The following WASHC2A variants were observed in gnomAD, a reference collection of about 807,000 sequenced individuals.
WASHC2A encodes WASH complex subunit FAM21A.
Under a neutral mutation model 140.3 loss-of-function variants are expected in WASHC2A, and 82 were observed. The observed-to-expected ratio is 0.58, with a 90% CI of 0.49 to 0.70. The LOEUF (loss-of-function observed/expected upper bound fraction) is 0.70, where lower values mean the gene tolerates loss of function less well. Ranked by LOEUF, WASHC2A falls within the 30% of genes least tolerant of loss-of-function variation. The probability of loss-of-function intolerance (pLI) is 0.00; values close to 1 mark genes in which losing one functional copy is unlikely to be tolerated. For missense variants in WASHC2A, 985 were observed against 1,521.8 expected, an observed-to-expected ratio of 0.65 and a Z score of 5.87; for synonymous variants, 340 against 560.8, an observed-to-expected ratio of 0.61 and a Z score of 5.56.
chr10:50,097,838 A>G, intron 16 of WASHC2A, 36 bp downstream of exon 16: 2 of 1,611,502 alleles, frequency 1.2e-6, no homozygotes, highest in Non-Finnish European at 1.7e-6. Context: ...AGGAGCATTG[A>G]TCTGCCGCAT....
chr10:50,106,076 G>A (rs1841745793), intron 18 of WASHC2A, among the ~76,000 whole-genome samples: 1 of 151,554 alleles, frequency 6.6e-6, no homozygotes, highest in Non-Finnish European at 1.5e-5. Context: ...TGTACTTCAT[G>A]ATCTCATTTG....
intron 3 of WASHC2A, among the ~76,000 whole-genome samples, chr10:50,074,193 A>T (rs1429890518): frequency 4.6e-5 from 5 of 107,624 alleles, no homozygotes; most frequent in African/African-American, 1.6e-4. Flanking sequence ...TAGCTATCTG[A>T]CTGTAAATTG....
intron 30 of WASHC2A, 46 bp downstream of exon 30, chr10:50,131,124 T>C (rs2258397): frequency 4.3e-6 from 7 of 1,611,890 alleles, no homozygotes; most frequent in African/African-American, 4.0e-5. Context: ...CTTACCTTTC[T>C]GTCACTTGGT....
intron 17 of WASHC2A, among the ~76,000 whole-genome samples, chr10:50,101,161 C>T (rs1441396777): frequency 5.9e-5 from 9 of 152,304 alleles, no homozygotes; most frequent in African/African-American, 1.7e-4. Flanking sequence ...GTGTACAAAA[C>T]GTAGGAATTA....
chr10:50,089,713 C>A lies in WASHC2A; in HGVS notation c.733-1063C>A, dbSNP rs1463250059. Among the ~76,000 whole-genome samples the A allele has an allele frequency of 6.7e-4, 102 of 152,344 alleles. 1 individual carries two copies. The East Asian group carries it at 0.018, about 26-fold the overall frequency. The stretch of plus-strand genomic sequence containing the variant: ...TTTGCTTGACCTACCTTGGATGGCT[C>A]TCTAGTCGTTACAGCTTTTACCTTT... On this transcript the variant is annotated intron_variant, in intron 8 of 30. Coordinates refer to ENST00000282633, the MANE Select transcript of WASHC2A (RefSeq NM_001005751.3).
At chr10:50,095,110 C>G in intron 13 of WASHC2A, 38 bp from the exon 14 acceptor site, 1 of 1,565,192 alleles carries the variant, frequency 6.4e-7, no homozygotes, top group South Asian at 1.1e-5. Flanking sequence ...AAAGTTATTT[C>G]CCTTGTAAAA....
intron 25 of WASHC2A, among the ~76,000 whole-genome samples, chr10:50,125,693 T>C (rs1554894703): frequency 1.3e-5 from 2 of 152,244 alleles, no homozygotes; most frequent in Non-Finnish European, 2.9e-5. Flanking sequence ...CTGACTGTAC[T>C]GCACATCTGT....
intron 15 of WASHC2A, among the ~76,000 whole-genome samples, chr10:50,097,394 A>T (rs1554885031): frequency 6.6e-6 from 1 of 150,906 alleles, no homozygotes; most frequent in Non-Finnish European, 1.5e-5. Context: ...TCACCTTGTA[A>T]GCCAGTCCAA....
intron 26 of WASHC2A, 100 bp downstream of exon 26, chr10:50,126,279 A>T: frequency 1.2e-6 from 2 of 1,604,296 alleles, no homozygotes; most frequent in Non-Finnish European, 1.7e-6. Flanking sequence ...GTCTGCATTA[A>T]GGAGGAAACA....
intron 29 of WASHC2A, among the ~76,000 whole-genome samples, chr10:50,130,411 C>T (rs1209197621): frequency 1.3e-5 from 2 of 149,728 alleles, no homozygotes; most frequent in African/African-American, 4.9e-5. Context: ...GGGACATTGG[C>T]CCTGGCTGGA....
At position 50,132,838 on chromosome 10, in the gene WASHC2A, A is replaced by G; in HGVS notation, c.3919A>G (p.Thr1307Ala). 6.2e-7 allele frequency: 1 copy of G among 1,612,022 alleles called. No individual in the cohort carries two copies. Among genetic ancestry groups the G allele is most frequent in the Non-Finnish European group, 8.5e-7 (1 of 1,179,858 alleles). Residue 1307 changes from threonine (T) to alanine (A), a missense_variant, in exon 31 of 31, where the codon ACA becomes GCA. Transcript: ENST00000282633. ...CTTCTCCTCTGGTATCCAGGCTAAG[A>G]CAACCAAACCAAAAAGCCGATCTGC... Reference protein sequence around the residue: ...DIFSSGIQAKTTKPKSRSAQA... With the variant: ...DIFSSGIQAKATKPKSRSAQA...
chr10:50,116,757 C>T (rs1554892085), intron 21 of WASHC2A, among the ~76,000 whole-genome samples: 6 of 150,870 alleles, frequency 4.0e-5, no homozygotes, highest in Non-Finnish European at 7.4e-5. Context: ...TGGTTTTGCA[C>T]TTTACTTATC....
chr10:50,110,289 G>T lies in WASHC2A; in HGVS notation c.2039+19G>T. On this transcript the variant is annotated intron_variant, in intron 20 of 30. Transcript: ENST00000282633. ...AGGACAGGTGAGATAGTCATTGGAA[G>T]GAGTCCCTCACTCCGTTACCGTGGT... 1 of 1,610,974 alleles carries T rather than the reference G, an allele frequency of 6.2e-7. No individual in the cohort carries two copies. Among genetic ancestry groups the T allele is most frequent in the Non-Finnish European group, 8.5e-7 (1 of 1,179,146 alleles).
intron 10 of WASHC2A, 145 bp from the exon 11 acceptor site, chr10:50,092,017 G>A (rs1839979784): frequency 1.3e-6 from 2 of 1,591,422 alleles, no homozygotes; most frequent in African/African-American, 1.3e-5. Flanking sequence ...AGGGCCAGGG[G>A]GTTCAGTGCT....
At chr10:50,128,821 T>C (rs1407654776) in intron 28 of WASHC2A, among the ~76,000 whole-genome samples, 1 of 152,140 alleles carries the variant, frequency 6.6e-6, no homozygotes, top group Non-Finnish European at 1.5e-5. Context: ...TACTAAGTGA[T>C]TCATGTTTTG....
At chr10:50,079,302 G>A (rs1208943667) in intron 4 of WASHC2A, among the ~76,000 whole-genome samples, 1 of 152,148 alleles carries the variant, frequency 6.6e-6, no homozygotes, top group African/African-American at 2.4e-5. Flanking sequence ...AACAGATGAA[G>A]CTGTTAGACT....
intron 21 of WASHC2A, among the ~76,000 whole-genome samples, chr10:50,117,567 G>A (rs1436841540): frequency 1.6e-4 from 24 of 147,926 alleles, no homozygotes; most frequent in African/African-American, 5.4e-4. Context: ...GCTGGATAAT[G>A]TCTTCTAGTT....
chr10:50,083,427 G>A (rs1378237654), intron 5 of WASHC2A, among the ~76,000 whole-genome samples: 1 of 114,350 alleles, frequency 8.7e-6, no homozygotes, highest in Non-Finnish European at 1.8e-5. Flanking sequence ...ATACTAGGAG[G>A]TTGTACCCTT....
At chr10:50,121,619 C>T (rs1478054237) in intron 23 of WASHC2A, among the ~76,000 whole-genome samples, 4 of 150,132 alleles carry the variant, frequency 2.7e-5, no homozygotes, top group Non-Finnish European at 5.9e-5. Context: ...ACCTTGAACT[C>T]TTGACCTCAG....
Sources: allele counts gnomAD v4.1 joint callset (sites outside exome capture counted in the v4.1 genomes callset), GRCh38; gene constraint gnomAD v4.1.1; transcripts MANE v1.5; gene names NCBI Gene and HGNC (gene_info 2026-07-23, HGNC 2026-07-21).